The following SHROOM2 variants were observed in gnomAD, a reference collection of about 807,000 sequenced individuals.
SHROOM2 encodes protein Shroom2.
SHROOM2 carries 33 observed loss-of-function variants against 75.9 expected under a neutral mutation model. The ratio of observed to expected loss-of-function variants is 0.43; its 90% confidence interval spans 0.33 to 0.58. The LOEUF (loss-of-function observed/expected upper bound fraction) is 0.58, where lower values mean the gene tolerates loss of function less well. SHROOM2 is among the 20% of genes least tolerant of loss of function. The pLI, the probability that SHROOM2 is intolerant of heterozygous loss-of-function variation, is 0.04. For synonymous variants in SHROOM2, 655 were observed against 663.6 expected (o/e 0.99, Z 0.20); for missense variants, 1,434 against 1,461.2 (o/e 0.98, Z 0.30).
intron 2 of SHROOM2, among the ~76,000 whole-genome samples, chrX:9,889,212 C>G (rs6638974): frequency 0.15 from 16,989 of 111,755 alleles, 1,087 homozygotes; most frequent in East Asian, 0.37. Flanking sequence ...GTCATAAAGT[C>G]AGCATGTTCC....
Position 9,895,651 on chromosome X carries a change from G to C in SHROOM2, c.1743G>C (p.Pro581=). ...ATGGGGAGAGCAGCAGGATCTGCCCGCAGGAGACGCCCCTGTTGCACTCCC... is the reference window on the plus strand; with the variant it reads ...ATGGGGAGAGCAGCAGGATCTGCCCCCAGGAGACGCCCCTGTTGCACTCCC... ...WADGESSRIC[P]QETPLLHSLT... The change falls in exon 4 of 10, where the codon CCG becomes CCC. Residue 581 remains proline (P), a synonymous_variant. Coordinates refer to ENST00000380913, the MANE Select transcript of SHROOM2 (RefSeq NM_001649.4). 1 of 1,167,194 alleles carries C rather than the reference G, an allele frequency of 8.6e-7. No homozygotes were observed. The highest frequency in any genetic ancestry group is 1.1e-6 in the Non-Finnish European group (1 of 876,779).
Position 9,947,040 on chromosome X carries a change from G to T in SHROOM2, c.*103G>T. ...CATCTGTGTTCATGGCCTGGAAAGA[G>T]ACTTCTCCCATAGCAAAGAGGCTGT... On this transcript the variant is annotated 3_prime_UTR_variant, in exon 10 of 10. Coordinates refer to ENST00000380913, the MANE Select transcript of SHROOM2 (RefSeq NM_001649.4). 1.2e-6 allele frequency: 1 copy of T among 809,153 alleles called. No individual in the cohort carries two copies. The highest frequency in any genetic ancestry group is 3.9e-5 in the Admixed American group (1 of 25,762). The allele number at this position is 809,153 out of a possible 1,213,427, so 66.7% of individuals were successfully genotyped here.
In SHROOM2 at chrX:9,926,526, A is replaced by T. The variant is rs1264248782; in HGVS notation, c.2892-5649A>T. On this transcript the variant is annotated intron_variant, in intron 5 of 9. Coordinates refer to ENST00000380913, the MANE Select transcript of SHROOM2 (RefSeq NM_001649.4). ...GCCGTGCTGCTTACTTACCCTGGAC[A>T]CATTCCTCTCTCACTGTATTGATGG... 3.7e-4 allele frequency among the ~76,000 whole-genome samples: 41 copies of T among 111,216 alleles called. No homozygotes were observed. The Admixed American group carries it at 3.9e-3, about 11-fold the overall frequency.
intron 5 of SHROOM2, among the ~76,000 whole-genome samples, chrX:9,929,668 G>T (rs1275955761): frequency 5.4e-5 from 6 of 111,580 alleles, no homozygotes; most frequent in Non-Finnish European, 9.4e-5. Context: ...TTAATCAGTG[G>T]GTGACCAAAG....
In SHROOM2 at chrX:9,937,066, G is replaced by A. The variant is rs1025064890; in HGVS notation, c.3588-68G>A. 12 of 1,060,362 alleles carry A rather than the reference G, an allele frequency of 1.1e-5. No individual in the cohort carries two copies. The East Asian group carries it at 3.0e-4, about 26-fold the overall frequency. The allele number at this position is 1,060,362 out of a possible 1,213,427, so 87.4% of individuals were successfully genotyped here. A position where few individuals can be genotyped will look rare whatever the true frequency, so the allele number is the denominator to read the frequency against. On this transcript the variant is annotated intron_variant, in intron 6 of 9. Coordinates refer to ENST00000380913, the MANE Select transcript of SHROOM2 (RefSeq NM_001649.4). ...GGTTCCCATCCAGAGGGGAGGGCAG[G>A]GGACACGTCAATCAGGGTCTGTGGC...
At chrX:9,849,599 C>T (rs1251976065) in intron 1 of SHROOM2, among the ~76,000 whole-genome samples, 1 of 111,414 alleles carries the variant, frequency 9.0e-6, no homozygotes, top group African/African-American at 3.3e-5. Context: ...CGCCTTAGAG[C>T]ATGTCTTTAT....
chrX:9,809,593 G>C (rs1037392334), intron 1 of SHROOM2, among the ~76,000 whole-genome samples: 2 of 112,418 alleles, frequency 1.8e-5, no homozygotes, highest in Admixed American at 1.9e-4. Context: ...ACTATCCTTT[G>C]TATAACCAGA....
At chrX:9,906,743 G>A (rs967912355) in intron 5 of SHROOM2, among the ~76,000 whole-genome samples, 4 of 112,463 alleles carry the variant, frequency 3.6e-5, no homozygotes, top group Non-Finnish European at 7.5e-5. Context: ...AGCCGAGATC[G>A]TGCCATTGCA....
At chrX:9,880,393 C>G (rs749828778) in intron 2 of SHROOM2, among the ~76,000 whole-genome samples, 70 of 113,459 alleles carry the variant, frequency 6.2e-4, no homozygotes, top group African/African-American at 2.0e-3. Flanking sequence ...CTGTCCATCC[C>G]GTCCTTGGCT....
At chrX:9,855,124 G>A (rs2084060710) in intron 1 of SHROOM2, among the ~76,000 whole-genome samples, 1 of 105,934 alleles carries the variant, frequency 9.4e-6, no homozygotes, top group Non-Finnish European at 1.9e-5. Flanking sequence ...CACAGGGAGG[G>A]AAACATCACA....
At chrX:9,935,969 G>A (rs1032656295) in intron 6 of SHROOM2, among the ~76,000 whole-genome samples, 14 of 111,490 alleles carry the variant, frequency 1.3e-4, no homozygotes, top group South Asian at 3.8e-4. Context: ...GCACGGTGCC[G>A]CTGAGAGCAG....
At chrX:9,910,615 G>A (rs867743185) in intron 5 of SHROOM2, among the ~76,000 whole-genome samples, 6 of 109,685 alleles carry the variant, frequency 5.5e-5, no homozygotes, top group South Asian at 4.0e-4. Context: ...TCAGGAGTTC[G>A]AGACCAGCCT....
At chrX:9,803,210 G>A (rs1010887550) in intron 1 of SHROOM2, among the ~76,000 whole-genome samples, 3 of 108,652 alleles carry the variant, frequency 2.8e-5, no homozygotes, top group African/African-American at 1.0e-4. Flanking sequence ...AAAGTGCTGG[G>A]ATTACAGTTG....
At position 9,923,856 on chromosome X, in the gene SHROOM2, T is replaced by G. The variant is rs760651004; in HGVS notation, c.2892-8319T>G. Among the ~76,000 whole-genome samples, 7 of 112,326 alleles carry G rather than the reference T, an allele frequency of 6.2e-5. No individual in the cohort carries two copies. In the South Asian group the frequency reaches 1.8e-3, roughly 30 times the overall value. On this transcript the variant is annotated intron_variant, in intron 5 of 9. Coordinates refer to ENST00000380913, the MANE Select transcript of SHROOM2 (RefSeq NM_001649.4). The stretch of plus-strand genomic sequence containing the variant: ...ATTTGGATCATCTGTGCTTTGGATT[T>G]CTCTTTTAATCTTCTCTGTCTCCTC...
intron 1 of SHROOM2, among the ~76,000 whole-genome samples, chrX:9,826,730 T>A (rs757413297): frequency 1.8e-5 from 2 of 112,299 alleles, no homozygotes; most frequent in South Asian, 7.4e-4. Context: ...GAGCTGTGAT[T>A]GTGCCTCTGC....
chrX:9,818,921 C>T (rs1664420532), intron 1 of SHROOM2: 1 of 555,049 alleles, frequency 1.8e-6, no homozygotes, highest in East Asian at 3.5e-5. Context: ...CCCCAGTCAT[C>T]CTCCTCTTCT....
intron 1 of SHROOM2, among the ~76,000 whole-genome samples, chrX:9,838,355 C>T (rs1376944307): frequency 1.8e-5 from 2 of 110,734 alleles, no homozygotes; most frequent in Non-Finnish European, 3.8e-5. Context: ...CCACCGCACC[C>T]GGCCTTAAAT....
At position 9,894,343 on chromosome X, in the gene SHROOM2, T is replaced by G. The variant is rs2084310897; in HGVS notation, c.450-15T>G. On this transcript the variant is annotated splice_polypyrimidine_tract_variant and intron_variant, in intron 3 of 9. Transcript: ENST00000380913. ...TAAAGCACACCATGCCTTGTCCTTC[T>G]TCTCATTCTTGCAGTTCTTCCTCCC... 8.4e-7 allele frequency: 1 copy of G among 1,195,204 alleles called. No individual in the cohort carries two copies. The highest frequency in any genetic ancestry group is 1.8e-5 in the African/African-American group (1 of 56,781).
At chrX:9,806,410 A>G (rs1225604645) in intron 1 of SHROOM2, among the ~76,000 whole-genome samples, 1 of 109,481 alleles carries the variant, frequency 9.1e-6, no homozygotes, top group Non-Finnish European at 1.9e-5. Context: ...TAAAATAATC[A>G]AATACATCAA....
Sources: allele counts gnomAD v4.1 joint callset (sites outside exome capture counted in the v4.1 genomes callset), GRCh38; gene constraint gnomAD v4.1.1; transcripts MANE v1.5; gene names NCBI Gene and HGNC (gene_info 2026-07-23, HGNC 2026-07-21).